The following TBC1D14 variants were observed in gnomAD, a reference collection of about 807,000 sequenced individuals.
TBC1D14 encodes the protein TBC1 domain family, member 14.
TBC1D14 carries 26 observed loss-of-function variants against 79.0 expected under a neutral mutation model. That is an observed-to-expected ratio of 0.33 (90% CI 0.24 to 0.46). TBC1D14 has a LOEUF of 0.46. TBC1D14 is among the 20% of genes least tolerant of loss of function. The pLI is 1.00. For missense variants in TBC1D14, 769 were observed against 887.6 expected (o/e 0.87, Z 1.70); for synonymous variants, 394 against 349.9 (o/e 1.13, Z -1.40).
At position 6,933,294 on chromosome 4, in the gene TBC1D14, T is replaced by C. The variant is rs192272796; in HGVS notation, c.722+9183T>C. On this transcript the variant is annotated intron_variant, in intron 2 of 13. Coordinates refer to ENST00000409757, the MANE Select transcript of TBC1D14 (RefSeq NM_020773.3). ...TTCCCCTCCCCCTTCCCCTTCCCCT[T>C]CCCCTTCCCCTTCCCCTTCCCTTTT... 6.0e-3 allele frequency among the ~76,000 whole-genome samples: 68 copies of C among 11,288 alleles called. 22 individuals carry two copies. The highest frequency in any genetic ancestry group is 0.011 in the East Asian group (2 of 190). 7.4% of individuals were successfully genotyped at this position (11,288 alleles called of 152,430 possible).
chr4:7,006,581 C>T, intron 8 of TBC1D14, 51 bp from the exon 9 acceptor site: 3 of 1,520,014 alleles, frequency 2.0e-6, no homozygotes, highest in Non-Finnish European at 2.7e-6. Context: ...TCGTAATTGT[C>T]CTACATTCGT....
chr4:6,965,754 G>A (rs1715646175), intron 2 of TBC1D14, among the ~76,000 whole-genome samples: 1 of 152,166 alleles, frequency 6.6e-6, no homozygotes, highest in Admixed American at 6.5e-5. Flanking sequence ...TTGCTCAGGT[G>A]AGTCTCAAAC....
chr4:6,991,788 C>T (rs1464058283), intron 3 of TBC1D14, among the ~76,000 whole-genome samples: 4 of 152,166 alleles, frequency 2.6e-5, no homozygotes, highest in East Asian at 1.9e-4. Flanking sequence ...CCAGTGTGCA[C>T]GCGTAAAGCA....
At chr4:6,992,770 A>T (rs1718635022) in intron 3 of TBC1D14, among the ~76,000 whole-genome samples, 1 of 152,240 alleles carries the variant, frequency 6.6e-6, no homozygotes, top group Non-Finnish European at 1.5e-5. Context: ...GTCTTAGGTC[A>T]CGGCTGTGTA....
chr4:7,022,685 T>C (rs1053201801), intron 12 of TBC1D14, among the ~76,000 whole-genome samples: 4 of 152,032 alleles, frequency 2.6e-5, no homozygotes, highest in African/African-American at 9.7e-5. Context: ...ATTTGTCTCA[T>C]GGAAATGCAG....
intron 12 of TBC1D14, among the ~76,000 whole-genome samples, chr4:7,023,261 A>G (rs1325832403): frequency 1.3e-5 from 2 of 152,212 alleles, no homozygotes; most frequent in African/African-American, 4.8e-5. Flanking sequence ...GTCTCAAGAA[A>G]AAAACAAAAC....
At chr4:7,006,140 G>A (rs897421519) in intron 8 of TBC1D14, among the ~76,000 whole-genome samples, 1 of 151,688 alleles carries the variant, frequency 6.6e-6, no homozygotes, top group African/African-American at 2.4e-5. Context: ...TTCAAAGCCA[G>A]CCTGAGCAAC....
intron 6 of TBC1D14, 97 bp downstream of exon 6, chr4:6,999,299 G>A: frequency 9.3e-7 from 1 of 1,076,256 alleles, no homozygotes; most frequent in Non-Finnish European, 1.4e-6. Flanking sequence ...GTGACACCCT[G>A]GATGCAGCGA....
chr4:7,009,831 A>G, intron 9 of TBC1D14, 46 bp from the exon 10 acceptor site: 2 of 1,569,048 alleles, frequency 1.3e-6, no homozygotes, highest in South Asian at 1.1e-5. Context: ...TCTGAGCACT[A>G]ACAGTACTCA....
intron 13 of TBC1D14, 110 bp from the exon 14 acceptor site, chr4:7,030,217 G>T (rs1004772719): frequency 5.1e-6 from 5 of 983,760 alleles, no homozygotes; most frequent in Non-Finnish European, 8.0e-6. Context: ...GGCAGTGGAA[G>T]TGGGGAGCCG....
At chr4:6,949,844 A>G (rs1416493838) in intron 2 of TBC1D14, among the ~76,000 whole-genome samples, 2 of 152,064 alleles carry the variant, frequency 1.3e-5, no homozygotes, top group Non-Finnish European at 2.9e-5. Context: ...TACAAATGTC[A>G]AGAAATGTAG....
chr4:6,968,937 C>G (rs920653881), intron 3 of TBC1D14, among the ~76,000 whole-genome samples: 1 of 152,154 alleles, frequency 6.6e-6, no homozygotes, highest in South Asian at 2.1e-4. Context: ...ATGGGATTGA[C>G]TTGCTGGGTG....
chr4:6,919,389 G>T (rs1303901491), intron 1 of TBC1D14, among the ~76,000 whole-genome samples: 1 of 151,802 alleles, frequency 6.6e-6, no homozygotes, highest in Non-Finnish European at 1.5e-5. Flanking sequence ...CAGGTGATCC[G>T]CCCGTCTCGG....
chr4:7,001,829 C>T (rs920525996), intron 7 of TBC1D14, among the ~76,000 whole-genome samples: 6 of 152,076 alleles, frequency 3.9e-5, no homozygotes, highest in African/African-American at 1.4e-4. Flanking sequence ...CACTCTGAAG[C>T]GCGTCCAGAG....
intron 2 of TBC1D14, among the ~76,000 whole-genome samples, chr4:6,931,832 G>A (rs181077718): frequency 7.8e-4 from 118 of 152,104 alleles, no homozygotes; most frequent in African/African-American, 2.7e-3. Context: ...TAGGTGCTTG[G>A]GATTCATTTG....
rs190949374 is a variant in TBC1D14 at position 7,029,207 on chromosome 4, G to T, written c.2017-1120G>T. On this transcript the variant is annotated intron_variant, in intron 13 of 13. Coordinates refer to ENST00000409757, the MANE Select transcript of TBC1D14 (RefSeq NM_020773.3). The stretch of plus-strand genomic sequence containing the variant: ...AACCCCATTTACTTCAAGATGCAGG[G>T]GGACTTTATCTGCCATTATTCCTTT... 1.8e-3 allele frequency among the ~76,000 whole-genome samples: 275 copies of T among 152,286 alleles called. 4 individuals are homozygous for T. Among genetic ancestry groups the T allele is most frequent in the Non-Finnish European group, 2.1e-4 (14 of 68,026 alleles).
chr4:6,958,402 C>CACACACAG (rs1170400668), intron 2 of TBC1D14, among the ~76,000 whole-genome samples: 7 of 151,750 alleles, frequency 4.6e-5, no homozygotes, highest in Admixed American at 3.9e-4. Flanking sequence ...CACACACACA[C>CACACACAG]AGATATTACT....
Position 7,006,715 on chromosome 4 carries a change from A to G in TBC1D14, c.1435A>G (p.Ile479Val). The change falls in exon 9 of 14, where the codon ATT becomes GTT. Residue 479 changes from isoleucine (I) to valine (V), a missense_variant. Physicochemically the swap from Ile to Val is conservative, Grantham distance 29. Coordinates refer to ENST00000409757, the MANE Select transcript of TBC1D14 (RefSeq NM_020773.3). ...TTCTAGAACATTTCCTAATCTCTGC[A>G]TTTTCCAGCAAGTAAGTGGTGGTGA... is the stretch of plus-strand genomic sequence containing the variant. ...DISRTFPNLC[I>V]FQQGGPYHDM... 6.2e-7 allele frequency: 1 copy of G among 1,613,618 alleles called. No individual in the cohort carries two copies. The highest frequency in any genetic ancestry group is 8.5e-7 in the Non-Finnish European group (1 of 1,179,810).
chr4:6,970,976 T>C (rs1399305730), intron 3 of TBC1D14, among the ~76,000 whole-genome samples: 1 of 147,396 alleles, frequency 6.8e-6, no homozygotes, highest in Non-Finnish European at 1.5e-5. Context: ...GTGGTTGAAC[T>C]GGGGTCAGGT....
Sources: allele counts gnomAD v4.1 joint callset (sites outside exome capture counted in the v4.1 genomes callset), GRCh38; gene constraint gnomAD v4.1.1; transcripts MANE v1.5; gene names NCBI Gene and HGNC (gene_info 2026-07-23, HGNC 2026-07-21).